TRMT5: variants seen among roughly 807,000 people sequenced by gnomAD.
The protein encoded by TRMT5 is tRNA (guanine(37)-N(1))-methyltransferase.
A neutral mutation model predicts 42.2 loss-of-function variants in TRMT5; 31 were observed. The ratio of observed to expected loss-of-function variants is 0.73; its 90% CI spans 0.55 to 0.99. The LOEUF (loss-of-function observed/expected upper bound fraction) is 0.99. Ranked by LOEUF, TRMT5 falls within the 50% of genes least tolerant of loss-of-function variation. The pLI is 0.00. For missense variants in TRMT5, 568 were observed against 595.0 expected, an observed-to-expected ratio of 0.95 and a Z score of 0.47; for synonymous variants, 198 against 209.6, an observed-to-expected ratio of 0.94 and a Z score of 0.48.
At chr14:60,980,087 C>T (rs1426185050) in intron 1 of TRMT5, among the ~76,000 whole-genome samples, 4 of 152,148 alleles carry the variant, frequency 2.6e-5, no homozygotes, top group Admixed American at 2.6e-4. Context: ...ATTAAATTTA[C>T]ACCTTCAACC....
chr14:60,977,879 T>C (rs758842075), intron 2 of TRMT5, among the ~76,000 whole-genome samples: 1 of 152,204 alleles, frequency 6.6e-6, no homozygotes, highest in Non-Finnish European at 1.5e-5. Flanking sequence ...TTGAGGAGTT[T>C]GGGTCTACCT....
Position 60,972,491 on chromosome 14 carries a change from T to TGGGCACCGGGTGTGGGACGC in TRMT5, c.*2598_*2617dup. Reference sequence around the variant, plus strand: ...TGGCGGCGGCGGCGGCGGCGGGATGTGGGCACCGGGTGTGGGACGCAGCAG... The same window carrying TGGGCACCGGGTGTGGGACGC: ...TGGCGGCGGCGGCGGCGGCGGGATGTGGGCACCGGGTGTGGGACGCGGGCACCGGGTGTGGGACGCAGCAG... On this transcript the variant is annotated 3_prime_UTR_variant, in exon 5 of 5. Coordinates refer to ENST00000261249, the MANE Select transcript of TRMT5 (RefSeq NM_020810.3). 2.1e-6 allele frequency: 1 copy of TGGGCACCGGGTGTGGGACGC among 470,802 alleles called. No individual in the cohort carries two copies. Among genetic ancestry groups the TGGGCACCGGGTGTGGGACGC allele is most frequent in the South Asian group, 1.5e-5 (1 of 64,764 alleles). The allele number at this position is 470,802 out of a possible 1,614,324, so 29.2% of individuals were successfully genotyped here. A position where few individuals can be genotyped will look rare whatever the true frequency, so the allele number is the denominator to read the frequency against.
rs1293330219 is a variant in TRMT5, at chr14:60,971,498, C to G, written c.*3611G>C. On this transcript the variant is annotated 3_prime_UTR_variant, in exon 5 of 5. Coordinates refer to ENST00000261249, the MANE Select transcript of TRMT5 (RefSeq NM_020810.3). ...ATTAAAGATACTTTCCATAAACAAT[C>G]ATGGTATTTCAGGCAGGACATGGGC... is the stretch of plus-strand genomic sequence containing the variant. 4 of 152,550 alleles carry G rather than the reference C, an allele frequency of 2.6e-5. No homozygotes were observed. Among genetic ancestry groups the G allele is most frequent in the Non-Finnish European group, 5.9e-5 (4 of 68,254 alleles). 9.4% of individuals were successfully genotyped at this position (152,550 alleles called of 1,614,324 possible).
chr14:60,979,781 T>G lies in TRMT5; in HGVS notation c.117A>C (p.Thr39=), dbSNP rs202197070. 2.0e-4 allele frequency: 317 copies of G among 1,613,914 alleles called. 1 individual carries two copies. The Middle Eastern group carries it at 2.6e-3, about 13-fold the overall frequency. Residue 39 remains threonine, a synonymous_variant, in exon 2 of 5, where the codon ACA becomes ACC. Transcript: ENST00000261249. ...TACCAGGTGCTTCCAAAAGCATCTGTGTCAGGGATGTCCAAGCTACTGGAA... is the reference window on the plus strand; with the variant it reads ...TACCAGGTGCTTCCAAAAGCATCTGGGTCAGGGATGTCCAAGCTACTGGAA... ...SLIPVAWTSL[T]QMLLEAPGIF... is the part of the protein sequence containing the mutation.
At chr14:60,978,040 G>C (rs2036869991) in intron 2 of TRMT5, among the ~76,000 whole-genome samples, 1 of 152,054 alleles carries the variant, frequency 6.6e-6, no homozygotes, top group Non-Finnish European at 1.5e-5. Flanking sequence ...ACATCTGCCG[G>C]TTCCACTGGC....
chr14:60,976,033 G>A lies in TRMT5; in HGVS notation c.886C>T (p.Leu296Phe), dbSNP rs779041386. The A allele has an allele frequency of 6.2e-7, 1 of 1,614,236 alleles. No individual in the cohort carries two copies. Among genetic ancestry groups the A allele is most frequent in the Non-Finnish European group, 8.5e-7 (1 of 1,180,036 alleles). Residue 296 changes from leucine to phenylalanine, a missense_variant, in exon 4 of 5, where the codon CTC becomes TTC. Transcript: ENST00000261249. Reference protein sequence around the residue: ...STEHSRITELLKPGDVLFDVF... With the variant: ...STEHSRITELFKPGDVLFDVF... The stretch of plus-strand genomic sequence containing the variant: ...TCAAATAGGACATCCCCAGGTTTGA[G>A]AAGTTCTGTGATACGGCTGTGTTCT...
intron 3 of TRMT5, 101 bp from the exon 4 acceptor site, chr14:60,976,227 ATTTAAG>A (rs896964816): frequency 3.1e-5 from 42 of 1,353,466 alleles, no homozygotes; most frequent in Non-Finnish European, 4.0e-5. Context: ...ACACATACAC[ATTTAAG>A]TTTACTACTG....
rs1222030175 is a variant in TRMT5, at chr14:60,972,578, GCTT to G, written c.*2528_*2530del. 2.9e-6 allele frequency: 1 copy of G among 339,708 alleles called. No individual in the cohort carries two copies. Among genetic ancestry groups the G allele is most frequent in the Non-Finnish European group, 5.7e-6 (1 of 176,024 alleles). The allele number at this position is 339,708 out of a possible 1,614,324, so 21.0% of individuals were successfully genotyped here. A position where few individuals can be genotyped will look rare whatever the true frequency, so the allele number is the denominator to read the frequency against. ...CTCTTCTCCTTCACACTGCTCCCAC[GCTT>G]TTTTAATTGACAAAATTCAAAATAT... On this transcript the variant is annotated 3_prime_UTR_variant, in exon 5 of 5. Transcript: ENST00000261249.
chr14:60,979,459 T>TA lies in TRMT5; in HGVS notation c.438dup (p.Thr147TyrfsTer3). On this transcript the variant is annotated frameshift_variant, in exon 2 of 5. Transcript: ENST00000261249. LOFTEE classifies it high-confidence loss of function. ...TCTGCTTTCTCAAAGGAATCATGAG[T>TA]AAATATTTTATAGGGATCCAACATG... is the stretch of plus-strand genomic sequence containing the variant. The TA allele has an allele frequency of 6.2e-7, 1 of 1,614,152 alleles. No individual in the cohort carries two copies. The highest frequency in any genetic ancestry group is 1.6e-4 in the Middle Eastern group (1 of 6,062).
chr14:60,979,256 A>T lies in TRMT5; in HGVS notation c.642T>A (p.His214Gln). The T allele has an allele frequency of 6.2e-7, 1 of 1,608,380 alleles. No individual in the cohort carries two copies. Among genetic ancestry groups the T allele is most frequent in the Non-Finnish European group, 8.5e-7 (1 of 1,177,156 alleles). The part of the protein sequence containing the change: ...GHIAHLNLRD[H>Q]QLPFKHLIGQ... ...CAATTAAATGTTTGAAAGGCAGCTGATGATCTCGAAGGTTTAGGTGTGCAA... is the reference window on the plus strand; with the variant it reads ...CAATTAAATGTTTGAAAGGCAGCTGTTGATCTCGAAGGTTTAGGTGTGCAA... Residue 214 changes from histidine to glutamine, a missense_variant, in exon 2 of 5, where the codon CAT becomes CAA. His to Gln is a conservative substitution (Grantham distance 24). Transcript: ENST00000261249.
rs2036810705 is a variant in TRMT5 at position 60,973,865 on chromosome 14, A to G, written c.*1244T>C. The G allele has an allele frequency of 6.6e-6, 1 of 152,222 alleles. No individual in the cohort carries two copies. Among genetic ancestry groups the G allele is most frequent in the South Asian group, 2.1e-4 (1 of 4,826 alleles). The allele number at this position is 152,222 out of a possible 1,614,324, so 9.4% of individuals were successfully genotyped here. On this transcript the variant is annotated 3_prime_UTR_variant, in exon 5 of 5. Transcript: ENST00000261249. ...ATAAATGGCTTTGCTTGGCTAACAA[A>G]TGATTGACTTAGAGACTTACTGTTG...
In TRMT5 at chr14:60,972,886, AT is replaced by A. The variant is rs1299868879; in HGVS notation, c.*2222del. Reference sequence around the variant, plus strand: ...TCATCACTTGGAAAGCATTTGTAAAATTCTTTTACATTTCTTCCCTTGAAAT... The same window carrying A: ...TCATCACTTGGAAAGCATTTGTAAAATCTTTTACATTTCTTCCCTTGAAAT... On this transcript the variant is annotated 3_prime_UTR_variant, in exon 5 of 5. Transcript: ENST00000261249. 2 of 152,556 alleles carry A rather than the reference AT, an allele frequency of 1.3e-5. No homozygotes were observed. The highest frequency in any genetic ancestry group is 2.9e-5 in the Non-Finnish European group (2 of 68,340). The allele number at this position is 152,556 out of a possible 1,614,324, so 9.5% of individuals were successfully genotyped here.
chr14:60,979,575 T>C lies in TRMT5; in HGVS notation c.323A>G (p.Lys108Arg). The C allele has an allele frequency of 6.2e-7, 1 of 1,614,166 alleles. No individual in the cohort carries two copies. The highest frequency in any genetic ancestry group is 8.5e-7 in the Non-Finnish European group (1 of 1,180,026). ...TGCCCTTTTTAGGGATCGCATCAATTTACTGACTATTTCTTTCCTCACTTT... is the reference window on the plus strand; with the variant it reads ...TGCCCTTTTTAGGGATCGCATCAATCTACTGACTATTTCTTTCCTCACTTT... ...VLKVRKEIVSKLMRSLKRAAL... is the reference protein window; with the variant it reads ...VLKVRKEIVSRLMRSLKRAAL... The change falls in exon 2 of 5, where the codon AAA (lysine) becomes AGA (arginine). Residue 108 changes from lysine (K) to arginine (R), a missense_variant. Physicochemically the swap from Lys to Arg is conservative, Grantham distance 26 (BLOSUM62 2). Transcript: ENST00000261249.
rs1313125643 is a variant in TRMT5, at chr14:60,972,469, C to T, written c.*2640G>A. 2.7e-6 allele frequency: 1 copy of T among 370,962 alleles called. No individual in the cohort carries two copies. 23.0% of individuals were successfully genotyped at this position (370,962 alleles called of 1,614,324 possible). A position where few individuals can be genotyped will look rare whatever the true frequency, so the allele number is the denominator to read the frequency against. On this transcript the variant is annotated 3_prime_UTR_variant, in exon 5 of 5. Coordinates refer to ENST00000261249, the MANE Select transcript of TRMT5 (RefSeq NM_020810.3). ...CCTTCAGTCTTTCTCTTGGGCATGG[C>T]GGCGGCGGCGGCGGCGGGATGTGGG...
At chr14:60,981,156 G>C, upstream of TRMT5, 2 of 1,538,974 alleles carry the variant, frequency 1.3e-6, no homozygotes, top group East Asian at 2.4e-5. Context: ...TCCAGGCCCT[G>C]GTGAAGTACG....
In TRMT5 at chr14:60,979,686, T is replaced by G; in HGVS notation, c.212A>C (p.Glu71Ala). Residue 71 changes from glutamate to alanine, a missense_variant, in exon 2 of 5, where the codon GAA (glutamate) becomes GCA (alanine). Coordinates refer to ENST00000261249, the MANE Select transcript of TRMT5 (RefSeq NM_020810.3). Reference sequence around the variant, plus strand: ...GACATCAGAAGGTGGTGAAAACAATTCAGTCTCTCTCTCATGTGTTTCTGT... The same window carrying G: ...GACATCAGAAGGTGGTGAAAACAATGCAGTCTCTCTCTCATGTGTTTCTGT... Reference protein sequence around the residue: ...PETETHERETELFSPPSDVRG... With the variant: ...PETETHERETALFSPPSDVRG... 3 of 1,614,132 alleles carry G rather than the reference T, an allele frequency of 1.9e-6. No homozygotes were observed. Among genetic ancestry groups the G allele is most frequent in the Non-Finnish European group, 2.5e-6 (3 of 1,180,022 alleles).
At chr14:60,976,502 T>A (rs2139641652) in intron 3 of TRMT5, among the ~76,000 whole-genome samples, 1 of 152,342 alleles carries the variant, frequency 6.6e-6, no homozygotes, top group South Asian at 2.1e-4. Flanking sequence ...AGGCAAGACC[T>A]ACAATTTTGA....
upstream of TRMT5, chr14:60,981,549 G>A (rs2139653341): frequency 7.8e-6 from 12 of 1,530,980 alleles, 1 homozygote; most frequent in South Asian, 1.1e-4. Flanking sequence ...AGATGAGATT[G>A]GCGCAGTTAT....
At position 60,975,662 on chromosome 14, in the gene TRMT5, A is replaced by G. The variant is rs773375066; in HGVS notation, c.1257T>C (p.Tyr419=). The G allele has an allele frequency of 2.7e-5, 43 of 1,614,228 alleles. No individual in the cohort carries two copies. Among genetic ancestry groups the G allele is most frequent in the Middle Eastern group, 3.3e-4 (2 of 6,062 alleles). ...SSEFLPIVHC[Y]SFSKDANPAE... ...CAGGGTTAGCATCTTTGGAAAAGCTATAACAATGCACTATGGGAAGGAACT... is the reference window on the plus strand; with the variant it reads ...CAGGGTTAGCATCTTTGGAAAAGCTGTAACAATGCACTATGGGAAGGAACT... Residue 419 remains tyrosine (Y), a synonymous_variant, in exon 4 of 5, where the codon TAT becomes TAC. Coordinates refer to ENST00000261249, the MANE Select transcript of TRMT5 (RefSeq NM_020810.3).
Sources: gnomAD v4.1 joint callset for allele counts (sites outside exome capture counted in the v4.1 genomes callset) on GRCh38, gnomAD v4.1.1 for gene constraint, MANE v1.5 for transcripts, NCBI Gene and HGNC (gene_info 2026-07-23, HGNC 2026-07-21) for gene names.